The following HECW2 variants were observed in gnomAD, a reference collection of about 807,000 sequenced individuals.
HECW2 encodes HECT, C2 and WW domain containing E3 ubiquitin protein ligase 2.
A neutral mutation model predicts 175.2 loss-of-function variants in HECW2; 61 were observed. The observed-to-expected ratio is 0.35, with a 90% CI of 0.28 to 0.43. The LOEUF (loss-of-function observed/expected upper bound fraction) is 0.43, where lower values mean the gene tolerates loss of function less well. Among genes scored for constraint, HECW2 ranks in the 20% least tolerant of loss-of-function variants. The pLI is 1.00. For missense variants in HECW2, 1,524 were observed against 2,000.5 expected, an observed-to-expected ratio of 0.76 and a Z score of 4.54; for synonymous variants, 671 against 731.0, an observed-to-expected ratio of 0.92 and a Z score of 1.32.
intron 2 of HECW2, among the ~76,000 whole-genome samples, chr2:196,364,877 T>C (rs1368782025): frequency 6.6e-6 from 1 of 152,178 alleles, no homozygotes; most frequent in East Asian, 1.9e-4. Flanking sequence ...ACTCAAGGCA[T>C]TGGCATATGA....
intron 1 of HECW2, among the ~76,000 whole-genome samples, chr2:196,469,108 TGTGTGTGTGTGC>T (rs1160741613): frequency 2.2e-3 from 240 of 109,186 alleles, no homozygotes; most frequent in African/African-American, 7.7e-3. Context: ...AACCTGTGTG[TGTGTGTGTGTGC>T]GTGTGTGTGT....
At chr2:196,252,751 G>A (rs1327488492) in intron 19 of HECW2, among the ~76,000 whole-genome samples, 1 of 152,160 alleles carries the variant, frequency 6.6e-6, no homozygotes, top group East Asian at 1.9e-4. Context: ...ACACAAGAAT[G>A]GCCTAACACA....
rs936286443 is a variant in HECW2 at position 196,198,358 on chromosome 2, A to G, written c.*2919T>C. 1 of 152,156 alleles carries G rather than the reference A, an allele frequency of 6.6e-6. No individual in the cohort carries two copies. Among genetic ancestry groups the G allele is most frequent in the African/African-American group, 2.4e-5 (1 of 41,426 alleles). 9.4% of individuals were successfully genotyped at this position (152,156 alleles called of 1,614,324 possible). Reference sequence around the variant, plus strand: ...ATTTTTTTTAGCCACACTATCATCTATATATGAAGCCATTATTGAATCTCC... The same window carrying G: ...ATTTTTTTTAGCCACACTATCATCTGTATATGAAGCCATTATTGAATCTCC... On this transcript the variant is annotated 3_prime_UTR_variant, in exon 29 of 29. Transcript: ENST00000644978.
chr2:196,357,773 A>T (rs927143434), intron 2 of HECW2, among the ~76,000 whole-genome samples: 1 of 152,134 alleles, frequency 6.6e-6, no homozygotes, highest in African/African-American at 2.4e-5. Flanking sequence ...TTTGTAAGGC[A>T]GTTTTCCCTG....
At chr2:196,280,290 C>G (rs935354892) in intron 14 of HECW2, among the ~76,000 whole-genome samples, 1 of 152,122 alleles carries the variant, frequency 6.6e-6, no homozygotes, top group African/African-American at 2.4e-5. Flanking sequence ...TAACAAAGTA[C>G]CTTAACACCT....
chr2:196,319,377 G>C lies in HECW2; in HGVS notation c.1513C>G (p.Gln505Glu). 1 of 1,614,166 alleles carries C rather than the reference G, an allele frequency of 6.2e-7. No homozygotes were observed. Among genetic ancestry groups the C allele is most frequent in the Non-Finnish European group, 8.5e-7 (1 of 1,180,032 alleles). Residue 505 changes from glutamine (Q) to glutamate (E), a missense_variant, in exon 9 of 29, where the codon CAG (glutamine) becomes GAG (glutamate). Transcript: ENST00000644978. ...ACAGGGTTGTCCTCCAGCTTTGTCT[G>C]AGATGTCAGGCTTCCATCATCAGCT... ...SRADDGSLTSQTKLEDNPVEN... is the reference protein window; with the variant it reads ...SRADDGSLTSETKLEDNPVEN...
At position 196,319,310 on chromosome 2, in the gene HECW2, T is replaced by C; in HGVS notation, c.1580A>G (p.Glu527Gly). ...CTCTGGAAGATTTTCTGGCTTATCC[T>C]CAAAGGAAGCAGCTTCGTGTGTGGA... ...EASTHEAASF[E>G]DKPENLPELA... Residue 527 changes from glutamate to glycine, a missense_variant, in exon 9 of 29, where the codon GAG becomes GGG. This residue lies in a region of HECW2 where 604 missense variants were observed against 588.3 expected (regional missense o/e 1.03). Transcript: ENST00000644978. The C allele has an allele frequency of 6.2e-7, 1 of 1,613,620 alleles. No homozygotes were observed. Among genetic ancestry groups the C allele is most frequent in the Non-Finnish European group, 8.5e-7 (1 of 1,179,828 alleles).
At chr2:196,557,401 A>C (rs1017047847) in intron 1 of HECW2, among the ~76,000 whole-genome samples, 3 of 152,158 alleles carry the variant, frequency 2.0e-5, no homozygotes, top group Middle Eastern at 3.2e-3. Context: ...ACCTCAAAAA[A>C]AAAAAAAAGT....
chr2:196,308,499 C>A (rs1270254437), intron 10 of HECW2, among the ~76,000 whole-genome samples: 1 of 152,120 alleles, frequency 6.6e-6, no homozygotes, highest in Non-Finnish European at 1.5e-5. Context: ...CAATGAAAGC[C>A]TCATAGCTGG....
At chr2:196,567,249 C>T (rs1690220408) in intron 1 of HECW2, among the ~76,000 whole-genome samples, 2 of 152,080 alleles carry the variant, frequency 1.3e-5, no homozygotes, top group South Asian at 4.2e-4. Flanking sequence ...CACCTGTTTC[C>T]CTTAAGTAGA....
chr2:196,317,235 T>G, intron 10 of HECW2, 39 bp downstream of exon 10: 1 of 1,448,910 alleles, frequency 6.9e-7, no homozygotes, highest in Non-Finnish European at 9.6e-7. Context: ...CCTTTCACCG[T>G]TTGATTAAGG....
chr2:196,543,371 C>A (rs1425066585), intron 1 of HECW2, among the ~76,000 whole-genome samples: 1 of 150,580 alleles, frequency 6.6e-6, no homozygotes, highest in Non-Finnish European at 1.5e-5. Flanking sequence ...AAAGTCCTAC[C>A]CAGAAAGACA....
intron 10 of HECW2, chr2:196,315,750 G>A (rs1003336386): frequency 2.0e-5 from 3 of 152,004 alleles, no homozygotes; most frequent in South Asian, 2.1e-4. Context: ...TATGAATTAT[G>A]GTCATAATTT....
At chr2:196,307,449 T>C (rs1691311060) in intron 11 of HECW2, among the ~76,000 whole-genome samples, 2 of 152,136 alleles carry the variant, frequency 1.3e-5, no homozygotes, top group Admixed American at 1.3e-4. Context: ...GGCAAATTAA[T>C]AACACTAAAA....
intron 17 of HECW2, chr2:196,269,585 C>CAT (rs1689652449): frequency 6.9e-6 from 1 of 144,734 alleles, no homozygotes; most frequent in South Asian, 2.3e-4. Context: ...CAACTATATA[C>CAT]ATATATATTT....
chr2:196,241,973 G>A (rs143177062), intron 20 of HECW2, 111 bp downstream of exon 20: 9 of 929,156 alleles, frequency 9.7e-6, no homozygotes, highest in South Asian at 3.4e-5. Context: ...TAATTATGCC[G>A]ACTAAAATGA....
chr2:196,492,348 T>C (rs558314869), intron 1 of HECW2, among the ~76,000 whole-genome samples: 34 of 152,152 alleles, frequency 2.2e-4, no homozygotes, highest in Non-Finnish European at 4.6e-4. Context: ...GACAGAGTTA[T>C]GGTGACCTCC....
chr2:196,439,142 GTTTT>G (rs1695967603), intron 1 of HECW2, among the ~76,000 whole-genome samples: 1 of 152,186 alleles, frequency 6.6e-6, no homozygotes, highest in South Asian at 2.1e-4. Flanking sequence ...ATGCAAGGTT[GTTTT>G]AAGGATTGAA....
chr2:196,513,509 CAAAAA>C (rs993497865), intron 1 of HECW2, among the ~76,000 whole-genome samples: 4 of 151,972 alleles, frequency 2.6e-5, no homozygotes, highest in Admixed American at 2.6e-4. Context: ...GACCCTGTCT[CAAAAA>C]GAAAAAGTAT....
Sources: allele counts gnomAD v4.1 joint callset (sites outside exome capture counted in the v4.1 genomes callset), GRCh38; gene constraint gnomAD v4.1.1; regional missense constraint gnomAD v4.1.1; transcripts MANE v1.5; gene names NCBI Gene and HGNC (gene_info 2026-07-23, HGNC 2026-07-21).